FARS2: variants seen among roughly 807,000 people sequenced by gnomAD.
FARS2 encodes the protein phenylalanyl-tRNA synthetase 2, mitochondrial.
In FARS2, 40 loss-of-function variants were observed where a neutral mutation model predicts 46.4. The observed-to-expected ratio is 0.86, with a 90% CI of 0.67 to 1.12. The LOEUF is 1.12. Among genes scored for constraint, FARS2 ranks in the 50% most tolerant of loss-of-function variants. FARS2 has a pLI of 0.00. For synonymous variants in FARS2, 234 were observed against 214.9 expected (o/e 1.09, Z -0.78); for missense variants, 513 against 567.9 (o/e 0.90, Z 0.98).
rs145283194 is a variant in FARS2, at chr6:5,418,112, T to A, written c.773-12929T>A. On this transcript the variant is annotated intron_variant, in intron 3 of 6. Transcript: ENST00000274680. ...ACGTGTTTAGTCTTTCTTCTAGCTT[T>A]TTGAACATAACGAATATATAATACA... is the stretch of plus-strand genomic sequence containing the variant. Among the ~76,000 whole-genome samples the A allele has an allele frequency of 4.0e-3, 602 of 152,288 alleles. 2 individuals are homozygous for A. The highest frequency in any genetic ancestry group is 0.014 in the African/African-American group (583 of 41,568).
intron 1 of FARS2, among the ~76,000 whole-genome samples, chr6:5,360,960 A>G (rs1758260534): frequency 6.6e-6 from 1 of 152,228 alleles, no homozygotes; most frequent in Non-Finnish European, 1.5e-5. Context: ...AACTAAGCAC[A>G]GTTGAAACTT....
At chr6:5,361,931 A>G (rs1174696809) in intron 1 of FARS2, among the ~76,000 whole-genome samples, 1 of 152,220 alleles carries the variant, frequency 6.6e-6, no homozygotes, top group Non-Finnish European at 1.5e-5. Flanking sequence ...TGAAATGATT[A>G]TAAAACTCAT....
At chr6:5,529,850 T>A (rs1423775849) in intron 4 of FARS2, among the ~76,000 whole-genome samples, 1 of 152,148 alleles carries the variant, frequency 6.6e-6, no homozygotes, top group Non-Finnish European at 1.5e-5. Context: ...GCTCTCTTGA[T>A]GCAATTAGAA....
At chr6:5,287,883 CT>C (rs1251003685) in intron 1 of FARS2, among the ~76,000 whole-genome samples, 1 of 152,136 alleles carries the variant, frequency 6.6e-6, no homozygotes, top group East Asian at 1.9e-4. Flanking sequence ...AAATTTAAAG[CT>C]GTTCACTCTA....
In FARS2 at chr6:5,596,751, C is replaced by G. The variant is rs9378969; in HGVS notation, c.1066-16418C>G. ...GTGAGATGTGAGATACCCTGCAAGT[C>G]GGATGTGAATGCCCCTGCCAGGTTC... On this transcript the variant is annotated intron_variant, in intron 5 of 6. Coordinates refer to ENST00000274680, the MANE Select transcript of FARS2 (RefSeq NM_006567.5). Among the ~76,000 whole-genome samples the G allele has an allele frequency of 3.8e-4, 58 of 152,140 alleles. No homozygotes were observed. The East Asian group carries it at 8.3e-3, about 22-fold the overall frequency.
At chr6:5,757,191 G>GAAAATACC (rs1441995777) in intron 6 of FARS2, among the ~76,000 whole-genome samples, 1 of 151,684 alleles carries the variant, frequency 6.6e-6, no homozygotes, top group East Asian at 1.9e-4. Context: ...TTTGAAGTAA[G>GAAAATACC]AAAATACCAA....
chr6:5,433,377 G>A (rs1228679779), intron 4 of FARS2, among the ~76,000 whole-genome samples: 1 of 152,094 alleles, frequency 6.6e-6, no homozygotes, highest in Non-Finnish European at 1.5e-5. Context: ...TTTTCTAATG[G>A]CTAGAGCCAT....
intron 4 of FARS2, among the ~76,000 whole-genome samples, chr6:5,461,301 A>C (rs1765228861): frequency 6.6e-6 from 1 of 152,146 alleles, no homozygotes; most frequent in Admixed American, 6.5e-5. Flanking sequence ...TGGCCTCCCA[A>C]AGTGCGGAGA....
chr6:5,352,766 G>A (rs998325117), intron 1 of FARS2, among the ~76,000 whole-genome samples: 1 of 151,666 alleles, frequency 6.6e-6, no homozygotes, highest in Non-Finnish European at 1.5e-5. Flanking sequence ...CCTTCTTCCT[G>A]TATTAATTTT....
intron 3 of FARS2, among the ~76,000 whole-genome samples, chr6:5,412,030 CT>C (rs762320531): frequency 1.9e-4 from 29 of 152,256 alleles, no homozygotes; most frequent in Middle Eastern, 6.8e-3. Context: ...AAGGATTGGC[CT>C]TGTAGCACAG....
intron 4 of FARS2, among the ~76,000 whole-genome samples, chr6:5,523,462 G>T (rs1769269609): frequency 6.6e-6 from 1 of 151,244 alleles, no homozygotes. Flanking sequence ...GGATTTCTTG[G>T]AGATTCCCCA....
chr6:5,438,257 C>A (rs868669955), intron 4 of FARS2, among the ~76,000 whole-genome samples: 1,974 of 78,674 alleles, frequency 0.025, 57 homozygotes, highest in African/African-American at 0.093. Context: ...CCCCCCCCCC[C>A]ATTTTTGTTT....
intron 6 of FARS2, among the ~76,000 whole-genome samples, chr6:5,636,923 G>A (rs1365079718): frequency 6.6e-6 from 1 of 152,258 alleles, no homozygotes; most frequent in Non-Finnish European, 1.5e-5. Context: ...CTCAGGTAGT[G>A]AGCACAGCGT....
At chr6:5,379,368 G>A (rs888784670) in intron 2 of FARS2, among the ~76,000 whole-genome samples, 7 of 152,260 alleles carry the variant, frequency 4.6e-5, no homozygotes, top group Non-Finnish European at 7.4e-5. Flanking sequence ...TATGGAAACC[G>A]CACAGTAACT....
intron 5 of FARS2, among the ~76,000 whole-genome samples, chr6:5,583,072 C>T (rs1309516744): frequency 6.6e-6 from 1 of 152,148 alleles, no homozygotes; most frequent in Non-Finnish European, 1.5e-5. Flanking sequence ...CAGTGACACC[C>T]TCTAAACAAA....
At chr6:5,352,147 T>TTA (rs1182665484) in intron 1 of FARS2, among the ~76,000 whole-genome samples, 8 of 151,922 alleles carry the variant, frequency 5.3e-5, no homozygotes, top group African/African-American at 1.9e-4. Context: ...TTTTTTTTTT[T>TTA]AATTTTTAGT....
intron 6 of FARS2, among the ~76,000 whole-genome samples, chr6:5,721,516 A>C (rs1204084790): frequency 6.6e-6 from 1 of 151,766 alleles, no homozygotes; most frequent in Non-Finnish European, 1.5e-5. Flanking sequence ...TTTTGAATGG[A>C]TCATTCACTC....
At chr6:5,583,697 C>T (rs769159272) in intron 5 of FARS2, among the ~76,000 whole-genome samples, 2 of 152,132 alleles carry the variant, frequency 1.3e-5, no homozygotes, top group Non-Finnish European at 2.9e-5. Context: ...GATGAGGAAA[C>T]TGAGACCTAG....
At chr6:5,279,403 AAAAAG>A (rs1766569754) in intron 1 of FARS2, among the ~76,000 whole-genome samples, 1 of 150,834 alleles carries the variant, frequency 6.6e-6, no homozygotes. Flanking sequence ...AGAAAAAGAA[AAAAAG>A]AAAGCAATCT....
Sources: gnomAD v4.1 joint callset for allele counts (sites outside exome capture counted in the v4.1 genomes callset) on GRCh38, gnomAD v4.1.1 for gene constraint, MANE v1.5 for transcripts, NCBI Gene and HGNC (gene_info 2026-07-23, HGNC 2026-07-21) for gene names.